Variants in CYP4A22 observed in about 807,000 individuals in gnomAD.
The protein encoded by CYP4A22 is cytochrome P450 4A22.
Under a neutral mutation model 56.2 loss-of-function variants are expected in CYP4A22, and 46 were observed. The observed-to-expected ratio is 0.82, with a 90% CI of 0.65 to 1.05. CYP4A22 has a LOEUF of 1.05. CYP4A22 is among the 50% of genes least tolerant of loss of function. The probability of loss-of-function intolerance (pLI) is 0.00; values close to 1 mark genes in which losing one functional copy is unlikely to be tolerated. For missense variants in CYP4A22, 541 were observed against 645.9 expected, an observed-to-expected ratio of 0.84 and a Z score of 1.76; for synonymous variants, 193 against 251.1, an observed-to-expected ratio of 0.77 and a Z score of 2.19.
At chr1:47,138,595 G>T (rs754434101) in intron 1 of CYP4A22, among the ~76,000 whole-genome samples, 1 of 152,170 alleles carries the variant, frequency 6.6e-6, no homozygotes, top group African/African-American at 2.4e-5. Flanking sequence ...ACACAAATTC[G>T]TAAACTTTCT....
At chr1:47,141,515 G>A (rs1000323845) in intron 2 of CYP4A22, 56 bp from the exon 3 acceptor site, 16 of 1,589,620 alleles carry the variant, frequency 1.0e-5, no homozygotes, top group African/African-American at 9.4e-5. Flanking sequence ...TGCTGCCTCT[G>A]AGACTGCCTT....
chr1:47,141,921 C>T (rs1482733394), intron 3 of CYP4A22, among the ~76,000 whole-genome samples, 187 bp from the exon 4 acceptor site: 5 of 152,174 alleles, frequency 3.3e-5, no homozygotes, highest in Admixed American at 6.5e-5. Flanking sequence ...ATGGATGTAG[C>T]AGCTCAATTA....
At chr1:47,143,161 G>A (rs1224203504) in intron 4 of CYP4A22, 108 bp from the exon 5 acceptor site, 96 of 1,524,336 alleles carry the variant, frequency 6.3e-5, no homozygotes, top group Non-Finnish European at 7.9e-5. Context: ...CAAGATATCT[G>A]CAAGCTACAG....
rs1469179956 is a variant in CYP4A22, at chr1:47,143,924, C to A, written c.790+8C>A. On this transcript the variant is annotated splice_region_variant and intron_variant, in intron 6 of 11. Coordinates refer to ENST00000371891, the MANE Select transcript of CYP4A22 (RefSeq NM_001010969.4). ...TGGCCCATCAGCACACAGGTTCTGT[C>A]TCTTCCTCTTGTCTCCCAGCCTTTC... The A allele has an allele frequency of 6.2e-7, 1 of 1,603,940 alleles. No individual in the cohort carries two copies. Among genetic ancestry groups the A allele is most frequent in the Non-Finnish European group, 8.5e-7 (1 of 1,174,868 alleles).
chr1:47,147,105 T>C (rs1645084487), intron 11 of CYP4A22: 4 of 985,344 alleles, frequency 4.1e-6, no homozygotes, highest in Non-Finnish European at 4.8e-6. Context: ...AAATTCTTAG[T>C]AGAAACAAAG....
intron 1 of CYP4A22, among the ~76,000 whole-genome samples, chr1:47,138,160 G>C (rs1417271278): frequency 5.3e-5 from 8 of 152,222 alleles, no homozygotes; most frequent in Non-Finnish European, 1.0e-4. Flanking sequence ...GAAGGTGTCA[G>C]ACTGCAGGAA....
Position 47,137,500 on chromosome 1 carries a change from C to G in CYP4A22, c.15C>G (p.Val5=), listed in dbSNP as rs201783363. The G allele has an allele frequency of 4.5e-4, 726 of 1,612,764 alleles. No individual in the cohort carries two copies. The East Asian group carries it at 0.015, about 34-fold the overall frequency. ...GGTGCTGCACCATGAGTGTCTCTGTCCTGAGCCCCAGCAGACGCCTGGGTG... is the reference window on the plus strand; with the variant it reads ...GGTGCTGCACCATGAGTGTCTCTGTGCTGAGCCCCAGCAGACGCCTGGGTG... The part of the protein sequence containing the change: MSVS[V]LSPSRRLGGV... The change falls in exon 1 of 12, where the codon GTC becomes GTG. Residue 5 remains valine (V), a synonymous_variant. Coordinates refer to ENST00000371891, the MANE Select transcript of CYP4A22 (RefSeq NM_001010969.4).
At chr1:47,145,084 A>C in intron 9 of CYP4A22, 114 bp downstream of exon 9, 2 of 1,457,914 alleles carry the variant, frequency 1.4e-6, no homozygotes, top group Non-Finnish European at 1.8e-6. Context: ...TTTGTTCTAA[A>C]AACATCAAAA....
chr1:47,142,140 T>C lies in CYP4A22; in HGVS notation c.415T>C (p.Trp139Arg), dbSNP rs371221965. ...YGLLLLNGQT[W>R]FQHRRMLTPA... ...CTTGCTCCTGTTGAATGGGCAGACA[T>C]GGTTCCAGCATCGACGGATGCTGAC... Residue 139 changes from tryptophan to arginine, a missense_variant, in exon 4 of 12, where the codon TGG becomes CGG. By Grantham distance (101) the Trp-to-Arg change is moderately radical. Around this residue, in one of 3 missense-constraint regions of CYP4A22, gnomAD observed 335 missense variants for 361.2 expected, o/e 0.93. Coordinates refer to ENST00000371891, the MANE Select transcript of CYP4A22 (RefSeq NM_001010969.4). 6 of 1,613,870 alleles carry C rather than the reference T, an allele frequency of 3.7e-6. No homozygotes were observed. The highest frequency in any genetic ancestry group is 2.2e-5 in the East Asian group (1 of 44,866).
chr1:47,138,509 G>A (rs1193852855), intron 1 of CYP4A22, among the ~76,000 whole-genome samples: 1 of 152,222 alleles, frequency 6.6e-6, no homozygotes, highest in African/African-American at 2.4e-5. Context: ...GGTCAGCTCA[G>A]GTGAATAGAG....
rs1357542840 is a variant in CYP4A22, at chr1:47,149,697, A to G, written c.*900A>G. 1.3e-5 allele frequency: 2 copies of G among 152,046 alleles called. No homozygotes were observed. Among genetic ancestry groups the G allele is most frequent in the Non-Finnish European group, 2.9e-5 (2 of 68,038 alleles). 9.4% of individuals were successfully genotyped at this position (152,046 alleles called of 1,614,324 possible). A position where few individuals can be genotyped will look rare whatever the true frequency, so the allele number is the denominator to read the frequency against. On this transcript the variant is annotated 3_prime_UTR_variant, in exon 12 of 12. Coordinates refer to ENST00000371891, the MANE Select transcript of CYP4A22 (RefSeq NM_001010969.4). ...TTGTCTGTTCCTATATTAGTTTCCT[A>G]TTGCTGCTGTAATAAACTATCACAA...
intron 11 of CYP4A22, chr1:47,147,335 G>C (rs1186956755): frequency 1.0e-6 from 1 of 985,090 alleles, no homozygotes; most frequent in Non-Finnish European, 1.2e-6. Flanking sequence ...TTTACTCTCA[G>C]TGTATTTCAT....
chr1:47,141,733 G>A lies in CYP4A22; in HGVS notation c.382+118G>A, dbSNP rs117435390. 7,179 of 1,347,890 alleles carry A rather than the reference G, an allele frequency of 5.3e-3. 142 individuals are homozygous for A. The East Asian group carries it at 0.054, about 10-fold the overall frequency. 83.5% of individuals were successfully genotyped at this position (1,347,890 alleles called of 1,614,324 possible). ...TATCATGACCTCATCCCCAAATCAAGCCTCATTTCCCTCTTCTAACAAGAC... is the reference window on the plus strand; with the variant it reads ...TATCATGACCTCATCCCCAAATCAAACCTCATTTCCCTCTTCTAACAAGAC... On this transcript the variant is annotated intron_variant, in intron 3 of 11. Coordinates refer to ENST00000371891, the MANE Select transcript of CYP4A22 (RefSeq NM_001010969.4).
chr1:47,141,995 G>T lies in CYP4A22; in HGVS notation c.383-113G>T, dbSNP rs1415047001. ...ATTTGCCCATGATGTGGCTTCTTCT[G>T]GATAGTTCTTCCCCCAGGAAGCCAC... On this transcript the variant is annotated intron_variant, in intron 3 of 11. Transcript: ENST00000371891. 7 of 1,465,310 alleles carry T rather than the reference G, an allele frequency of 4.8e-6. No individual in the cohort carries two copies. In the East Asian group the frequency reaches 1.4e-4, roughly 29 times the overall value. The allele number at this position is 1,465,310 out of a possible 1,614,324, so 90.8% of individuals were successfully genotyped here. A position where few individuals can be genotyped will look rare whatever the true frequency, so the allele number is the denominator to read the frequency against.
intron 11 of CYP4A22, chr1:47,147,009 G>C: frequency 1.0e-6 from 1 of 985,460 alleles, no homozygotes; most frequent in Non-Finnish European, 1.2e-6. Flanking sequence ...TATTGAGCTG[G>C]AGAGGAAAAC....
chr1:47,140,657 C>G, intron 1 of CYP4A22, 123 bp from the exon 2 acceptor site: 1 of 1,433,258 alleles, frequency 7.0e-7, no homozygotes, highest in East Asian at 2.3e-5. Context: ...CAGCTCAGGT[C>G]ATCAGAAACA....
At position 47,137,660 on chromosome 1, in the gene CYP4A22, C is replaced by CTCT. The variant is rs1644958446; in HGVS notation, c.178_180dup (p.Phe60dup). On this transcript the variant is annotated inframe_insertion, in exon 1 of 12. Transcript: ENST00000371891. ...GTTCCCGTGCCCTCCCTCCCACTGG[C>CTCT]TCTTCGGGCACATCCAGGAGGTAGG... 6.2e-7 allele frequency: 1 copy of CTCT among 1,612,424 alleles called. No individual in the cohort carries two copies. Among genetic ancestry groups the CTCT allele is most frequent in the African/African-American group, 1.3e-5 (1 of 74,928 alleles).
intron 11 of CYP4A22, chr1:47,147,458 G>A (rs755962635): frequency 1.5e-5 from 15 of 980,186 alleles, no homozygotes; most frequent in South Asian, 4.7e-5. Flanking sequence ...AGAGATAAAA[G>A]GTACAAAAAT....
In CYP4A22 at chr1:47,143,960, T is replaced by C. The variant is rs35609683; in HGVS notation, c.790+44T>C. ...GTCTCCCAGCCTTTCCCAGGCACAG[T>C]GAAAGTACCTGCCCTGACTCCTCAG... On this transcript the variant is annotated intron_variant, in intron 6 of 11. Transcript: ENST00000371891. The C allele has an allele frequency of 4.6e-5, 73 of 1,575,306 alleles. 1 individual carries two copies. The highest frequency in any genetic ancestry group is 6.0e-5 in the Non-Finnish European group (70 of 1,160,090).
Sources: gnomAD v4.1 joint callset for allele counts (sites outside exome capture counted in the v4.1 genomes callset) on GRCh38, gnomAD v4.1.1 for gene constraint, gnomAD v4.1.1 regional missense constraint, MANE v1.5 for transcripts, NCBI Gene and HGNC (gene_info 2026-07-23, HGNC 2026-07-21) for gene names.